Variants in DENND4C observed in about 807,000 individuals in gnomAD.
DENND4C encodes the protein DENN domain-containing protein 4C.
DENND4C carries 108 observed loss-of-function variants against 203.0 expected under a neutral mutation model. The observed-to-expected ratio is 0.53, with a 90% confidence interval of 0.46 to 0.62. The LOEUF is 0.62. DENND4C is among the 20% of genes least tolerant of loss of function. DENND4C has a pLI of 0.00. For synonymous variants in DENND4C, 871 were observed against 792.4 expected, an observed-to-expected ratio of 1.10 and a Z score of -1.67; for missense variants, 2,481 against 2,301.2, an observed-to-expected ratio of 1.08 and a Z score of -1.60.
At chr9:19,296,489 G>A (rs753089813) in intron 6 of DENND4C, among the ~76,000 whole-genome samples, 12 of 151,044 alleles carry the variant, frequency 7.9e-5, no homozygotes, top group Admixed American at 2.0e-4. Flanking sequence ...TCAGCCTCCC[G>A]AGTAGCTGGG....
chr9:19,281,717 G>A lies in DENND4C; in HGVS notation c.306-5052G>A, dbSNP rs548394959. Among the ~76,000 whole-genome samples, 13 of 152,274 alleles carry A rather than the reference G, an allele frequency of 8.5e-5. No homozygotes were observed. The East Asian group carries it at 1.9e-3, about 23-fold the overall frequency. ...CATTCTGAGAAATGTGTTCTATGGCGATTTTGTCATTGTGTGAACATCATA... is the reference window on the plus strand; with the variant it reads ...CATTCTGAGAAATGTGTTCTATGGCAATTTTGTCATTGTGTGAACATCATA... On this transcript the variant is annotated intron_variant, in intron 2 of 32. Coordinates refer to ENST00000434457, the MANE Select transcript of DENND4C (RefSeq NM_001330640.2).
chr9:19,270,985 A>T (rs749928756), intron 1 of DENND4C, among the ~76,000 whole-genome samples: 14 of 152,214 alleles, frequency 9.2e-5, no homozygotes, highest in Non-Finnish European at 1.8e-4. Context: ...AGTAGCATCT[A>T]AATTATTAAG....
chr9:19,335,067 A>G lies in DENND4C; in HGVS notation c.2551A>G (p.Ile851Val). 3 of 1,612,604 alleles carry G rather than the reference A, an allele frequency of 1.9e-6. No individual in the cohort carries two copies. Among genetic ancestry groups the G allele is most frequent in the Non-Finnish European group, 2.5e-6 (3 of 1,179,220 alleles). The change falls in exon 18 of 33, where the codon ATA becomes GTA. Residue 851 changes from isoleucine to valine, a missense_variant. Physicochemically the swap from Ile to Val is conservative, Grantham distance 29. Transcript: ENST00000434457. ...RVLFEMKTAR[I>V]KPNAITYGYY... The stretch of plus-strand genomic sequence containing the variant: ...CTTATTTGAAATGAAAACTGCTAGG[A>G]TAAAGCCTAATGCTATTACTTATGG...
chr9:19,235,569 C>A (rs1369422279), intron 1 of DENND4C, among the ~76,000 whole-genome samples: 1 of 149,764 alleles, frequency 6.7e-6, no homozygotes, highest in Non-Finnish European at 1.5e-5. Context: ...AATTATCTAC[C>A]AATCCAGATT....
At chr9:19,316,235 C>G (rs113640655) in intron 10 of DENND4C, among the ~76,000 whole-genome samples, 182 bp from the exon 11 acceptor site, 2,367 of 152,270 alleles carry the variant, frequency 0.016, 57 homozygotes, top group African/African-American at 0.054. Flanking sequence ...CTAAATTTGA[C>G]AGAGGTCGAT....
At chr9:19,280,544 GT>G (rs557465727) in intron 2 of DENND4C, among the ~76,000 whole-genome samples, 1 of 150,244 alleles carries the variant, frequency 6.7e-6, no homozygotes, top group African/African-American at 2.4e-5. Context: ...TTATTGTTCT[GT>G]TTTTTTTTCT....
chr9:19,372,191 T>G lies in DENND4C; in HGVS notation c.*18T>G. ...TCATTTAAATAGAGATTCACTAGAA[T>G]GTTGACACACAAGGCTTGGGGATTA... On this transcript the variant is annotated 3_prime_UTR_variant, in exon 33 of 33. Transcript: ENST00000434457. 1.9e-6 allele frequency: 3 copies of G among 1,598,654 alleles called. No homozygotes were observed. The highest frequency in any genetic ancestry group is 2.6e-6 in the Non-Finnish European group (3 of 1,173,326).
At chr9:19,267,559 C>A (rs146004129) in intron 1 of DENND4C, among the ~76,000 whole-genome samples, 1 of 151,842 alleles carries the variant, frequency 6.6e-6, no homozygotes, top group Admixed American at 6.6e-5. Context: ...TTTTTAGAGA[C>A]CGGTTCTCAC....
At chr9:19,293,020 G>A (rs550213060) in intron 5 of DENND4C, among the ~76,000 whole-genome samples, 6 of 152,282 alleles carry the variant, frequency 3.9e-5, no homozygotes, top group Admixed American at 1.3e-4. Context: ...CCAGCATAGT[G>A]CCTGGAACAT....
intron 2 of DENND4C, among the ~76,000 whole-genome samples, chr9:19,280,790 C>A (rs1377675264): frequency 6.6e-6 from 1 of 151,784 alleles, no homozygotes; most frequent in African/African-American, 2.4e-5. Flanking sequence ...GCTCAGGCTG[C>A]AGTGCAATGG....
intron 1 of DENND4C, among the ~76,000 whole-genome samples, chr9:19,258,094 G>A (rs1828426884): frequency 6.6e-6 from 1 of 151,322 alleles, no homozygotes; most frequent in Admixed American, 6.6e-5. Flanking sequence ...CTCCAGCCTG[G>A]GCAACAGAGT....
chr9:19,305,241 C>T (rs1431070579), intron 9 of DENND4C, 111 bp from the exon 10 acceptor site: 4 of 897,070 alleles, frequency 4.5e-6, no homozygotes, highest in South Asian at 2.0e-5. Context: ...TTAAGGTAAA[C>T]AAAACAGACT....
chr9:19,288,211 A>T (rs1588848276), intron 3 of DENND4C, among the ~76,000 whole-genome samples: 1 of 152,378 alleles, frequency 6.6e-6, no homozygotes, highest in East Asian at 1.9e-4. Context: ...ATGCACCCAG[A>T]ACAATTAGTG....
chr9:19,349,879 T>G (rs1233768542), intron 23 of DENND4C, among the ~76,000 whole-genome samples: 2 of 152,224 alleles, frequency 1.3e-5, no homozygotes, highest in African/African-American at 2.4e-5. Context: ...TTGTAAAGAT[T>G]TATATGATTT....
intron 4 of DENND4C, among the ~76,000 whole-genome samples, chr9:19,289,667 A>T (rs533872388): frequency 6.6e-6 from 1 of 151,976 alleles, no homozygotes; most frequent in Non-Finnish European, 1.5e-5. Context: ...CGTCTCTACT[A>T]AAAATACAAA....
chr9:19,232,348 A>G (rs2131307605), intron 1 of DENND4C, among the ~76,000 whole-genome samples: 1 of 152,210 alleles, frequency 6.6e-6, no homozygotes, highest in Non-Finnish European at 1.5e-5. Context: ...ACCATTTTGC[A>G]AAATAGTTTA....
At chr9:19,307,508 G>A (rs567555416) in intron 10 of DENND4C, among the ~76,000 whole-genome samples, 2 of 151,642 alleles carry the variant, frequency 1.3e-5, no homozygotes, top group South Asian at 4.2e-4. Context: ...AGTGGCTCAT[G>A]CCTGTAATCC....
chr9:19,279,957 A>G (rs1833699217), intron 2 of DENND4C, among the ~76,000 whole-genome samples: 1 of 152,186 alleles, frequency 6.6e-6, no homozygotes, highest in South Asian at 2.1e-4. Flanking sequence ...GGAATAACCT[A>G]GAACATTTTC....
rs180705345 is a variant in DENND4C, at chr9:19,302,239, G to A, written c.1311+1908G>A. ...TGAAAAGAATGGTTACAAAACAAAT[G>A]CATCAAAAGGAGAATGATTTAAATA... is the stretch of plus-strand genomic sequence containing the variant. On this transcript the variant is annotated intron_variant, in intron 9 of 32. Transcript: ENST00000434457. Among the ~76,000 whole-genome samples the A allele has an allele frequency of 1.2e-4, 19 of 152,314 alleles. 1 individual carries two copies. The East Asian group carries it at 3.3e-3, about 26-fold the overall frequency.
Sources: gnomAD v4.1 joint callset for allele counts (sites outside exome capture counted in the v4.1 genomes callset) on GRCh38, gnomAD v4.1.1 for gene constraint, MANE v1.5 for transcripts, NCBI Gene and HGNC (gene_info 2026-07-23, HGNC 2026-07-21) for gene names.